BRF1: variants seen among roughly 807,000 people sequenced by gnomAD.
The protein encoded by BRF1 is transcription factor IIIB 90 kDa subunit.
In BRF1, 59 loss-of-function variants were observed where a neutral mutation model predicts 81.7. The ratio of observed to expected loss-of-function variants is 0.72; its 90% confidence interval spans 0.59 to 0.90. The LOEUF is 0.90. BRF1 is among the 40% of genes least tolerant of loss of function. The pLI, the probability that BRF1 is intolerant of heterozygous loss-of-function variation, is 0.00. For synonymous variants in BRF1, 491 were observed against 395.6 expected, an observed-to-expected ratio of 1.24 and a Z score of -2.86; for missense variants, 1,050 against 936.3, an observed-to-expected ratio of 1.12 and a Z score of -1.58.
upstream of BRF1, among the ~76,000 whole-genome samples, chr14:105,305,465 C>T (rs2058159806): frequency 6.6e-6 from 1 of 152,036 alleles, no homozygotes; most frequent in Non-Finnish European, 1.5e-5. Context: ...GCTGCTTCCC[C>T]CATGTGAGGA....
chr14:105,291,318 C>G (rs931909479), intron 1 of BRF1, among the ~76,000 whole-genome samples: 3 of 152,246 alleles, frequency 2.0e-5, no homozygotes, highest in Admixed American at 6.5e-5. Flanking sequence ...ACAGCACTGT[C>G]CATTTCACAC....
intron 10 of BRF1, among the ~76,000 whole-genome samples, chr14:105,222,967 C>G (rs886689509): frequency 2.0e-5 from 3 of 152,092 alleles, no homozygotes; most frequent in Admixed American, 2.0e-4. Flanking sequence ...AGTTCGTGGC[C>G]GCCCACTTGG....
Position 105,286,354 on chromosome 14 carries a change from C to T in BRF1, c.207G>A (p.Leu69=), listed in dbSNP as rs2057315416. 1.2e-6 allele frequency: 2 copies of T among 1,613,412 alleles called. No homozygotes were observed. The highest frequency in any genetic ancestry group is 2.7e-5 in the African/African-American group (2 of 74,944). The change falls in exon 2 of 18, where the codon CTG becomes CTA. Residue 69 remains leucine, a synonymous_variant. Transcript: ENST00000547530. ...SLDGAGKTPT[L]GGGFHVNLGK... ...CCAGATTCACGTGGAAGCCGCCACC[C>T]AGAGTCGGGGTTTTGCCAGCACCTG... is the stretch of plus-strand genomic sequence containing the variant.
intron 3 of BRF1, among the ~76,000 whole-genome samples, chr14:105,257,509 T>G (rs760910014): frequency 1.3e-5 from 2 of 152,056 alleles, no homozygotes; most frequent in Non-Finnish European, 2.9e-5. Flanking sequence ...CAGGGCTGGG[T>G]ACAGGGGCAT....
chr14:105,226,566 G>T (rs1893132337), intron 8 of BRF1, 68 bp downstream of exon 8: 8 of 1,603,848 alleles, frequency 5.0e-6, no homozygotes, highest in Middle Eastern at 3.5e-4. Context: ...TACAACCCCA[G>T]TCGGGGTGTG....
intron 11 of BRF1, among the ~76,000 whole-genome samples, chr14:105,221,231 T>C (rs1284782081): frequency 6.6e-6 from 1 of 152,186 alleles, no homozygotes; most frequent in African/African-American, 2.4e-5. Context: ...CACGGTGGCC[T>C]GGCCTGGGCA....
intron 5 of BRF1, chr14:105,247,194 G>C (rs2055180646): frequency 2.0e-6 from 2 of 985,310 alleles, no homozygotes; most frequent in Admixed American, 1.2e-4. Context: ...TCCTTGGCGG[G>C]TGCATCCACA....
At chr14:105,298,026 C>T (rs1437481596) in intron 1 of BRF1, among the ~76,000 whole-genome samples, 1 of 152,182 alleles carries the variant, frequency 6.6e-6, no homozygotes, top group Admixed American at 6.5e-5. Context: ...AATAAATGCT[C>T]CAAAACATGA....
intron 2 of BRF1, 112 bp from the exon 3 acceptor site, chr14:105,273,006 G>T: frequency 8.0e-7 from 1 of 1,244,354 alleles, no homozygotes; most frequent in Admixed American, 3.0e-5. Context: ...TTCCTTGTAA[G>T]TTTCTGAGCT....
chr14:105,285,583 C>T (rs1232223067), intron 2 of BRF1, among the ~76,000 whole-genome samples: 4 of 152,146 alleles, frequency 2.6e-5, no homozygotes, highest in East Asian at 1.9e-4. Context: ...CAAATCTTCA[C>T]GATTTGGACT....
intron 5 of BRF1, chr14:105,250,318 A>G (rs1179602680): frequency 6.2e-7 from 1 of 1,613,344 alleles, no homozygotes; most frequent in Non-Finnish European, 8.5e-7. Context: ...ACAGAAGGGT[A>G]TTTATTGCAG....
At chr14:105,250,306 G>A (rs368469368) in intron 5 of BRF1, 13 of 1,613,296 alleles carry the variant, frequency 8.1e-6, no homozygotes, top group Non-Finnish European at 1.1e-5. Context: ...AGTTTGCAGT[G>A]GACAGAAGGG....
chr14:105,209,493 G>C lies in BRF1; in HGVS notation c.*1058C>G. 1 of 701,610 alleles carries C rather than the reference G, an allele frequency of 1.4e-6. No homozygotes were observed. Among genetic ancestry groups the C allele is most frequent in the Non-Finnish European group, 2.6e-6 (1 of 384,474 alleles). 43.5% of individuals were successfully genotyped at this position (701,610 alleles called of 1,614,324 possible). A position where few individuals can be genotyped will look rare whatever the true frequency, so the allele number is the denominator to read the frequency against. ...CTGGGGGTCAGTGAGGCACGGCTCT[G>C]CCTCAAGGCCACCCCCTCCTAAGGA... On this transcript the variant is annotated 3_prime_UTR_variant, in exon 18 of 18. Coordinates refer to ENST00000547530, the MANE Select transcript of BRF1 (RefSeq NM_001519.4).
chr14:105,285,948 T>G (rs587727824), intron 2 of BRF1, among the ~76,000 whole-genome samples: 1 of 152,372 alleles, frequency 6.6e-6, no homozygotes, highest in African/African-American at 2.4e-5. Flanking sequence ...CTCCAGTTTG[T>G]GGTGAACTGG....
chr14:105,273,553 T>C (rs950425256), intron 2 of BRF1, among the ~76,000 whole-genome samples: 10 of 152,206 alleles, frequency 6.6e-5, no homozygotes, highest in South Asian at 4.1e-4. Context: ...ACCTGTGCCC[T>C]GAACAACTGC....
At chr14:105,217,890 G>C (rs369539182) in intron 14 of BRF1, 90 bp from the exon 15 acceptor site, 9 of 1,549,350 alleles carry the variant, frequency 5.8e-6, no homozygotes, top group Non-Finnish European at 7.0e-6. Context: ...GAGTGCAGGC[G>C]GGTGAGGCCT....
chr14:105,303,097 T>G (rs1013754854), upstream of BRF1, among the ~76,000 whole-genome samples: 4 of 151,940 alleles, frequency 2.6e-5, no homozygotes, highest in Non-Finnish European at 4.4e-5. Context: ...CCCAGCTAAT[T>G]TTTGTATTTT....
At chr14:105,243,750 C>G (rs989720500) in intron 5 of BRF1, among the ~76,000 whole-genome samples, 2 of 151,986 alleles carry the variant, frequency 1.3e-5, no homozygotes, top group Non-Finnish European at 2.9e-5. Flanking sequence ...AATCCCAGCA[C>G]TTTGGGAGGC....
intron 15 of BRF1, among the ~76,000 whole-genome samples, chr14:105,216,142 G>A (rs587633422): frequency 1.8e-4 from 27 of 152,150 alleles, no homozygotes; most frequent in Admixed American, 1.1e-3. Flanking sequence ...AGGCATACAC[G>A]CACTGCATGT....
Sources: allele counts gnomAD v4.1 joint callset (sites outside exome capture counted in the v4.1 genomes callset), GRCh38; gene constraint gnomAD v4.1.1; transcripts MANE v1.5; gene names NCBI Gene and HGNC (gene_info 2026-07-23, HGNC 2026-07-21).